PRH1: variants seen among roughly 807,000 people sequenced by gnomAD.
The protein encoded by PRH1 is proline rich protein HaeIII subfamily 1, also known as salivary acidic proline-rich phosphoprotein 1/2.
PRH1 carries 7 observed loss-of-function variants against 7.9 expected under a neutral mutation model. The observed-to-expected ratio is 0.89, with a 90% CI of 0.50 to 1.67. PRH1 has a LOEUF of 1.67. Among genes scored for constraint, PRH1 ranks in the 40% most tolerant of loss-of-function variants. The pLI is 0.00. For synonymous variants in PRH1, 45 were observed against 80.8 expected, an observed-to-expected ratio of 0.56 and a Z score of 2.38; for missense variants, 109 against 223.6, an observed-to-expected ratio of 0.49 and a Z score of 3.27.
chr12:11,020,397 TAGATATAG>T (rs1941556512), intron 1 of PRH1, among the ~76,000 whole-genome samples: 1 of 65,208 alleles, frequency 1.5e-5, no homozygotes, highest in African/African-American at 3.9e-5. Flanking sequence ...TATATGTCTA[TAGATATAG>T]ATATAGATAC....
At chr12:11,013,377 T>C (rs7974464) in intron 1 of PRH1, among the ~76,000 whole-genome samples, 34,613 of 152,080 alleles carry the variant, frequency 0.23, 3,994 homozygotes, top group Non-Finnish European at 0.24. Flanking sequence ...CAAATGATAC[T>C]GAGAACATTG....
At chr12:10,935,647 G>A in intron 2 of PRH1, among the ~76,000 whole-genome samples, 1 of 152,136 alleles carries the variant, frequency 6.6e-6, no homozygotes. Context: ...CCTCTGCTGA[G>A]CAACATCTGT....
intron 1 of PRH1, among the ~76,000 whole-genome samples, chr12:11,096,475 G>GT (rs1188233217): frequency 8.7e-6 from 1 of 115,546 alleles, no homozygotes; most frequent in Non-Finnish European, 2.0e-5. Context: ...ATTAAAAAAA[G>GT]TTTTTTTAAA....
chr12:11,171,176 A>AGCGCCAGCGGCGCCCGGGGCTAC, intron 1 of PRH1: 1 of 398,456 alleles, frequency 2.5e-6, no homozygotes, highest in East Asian at 3.6e-5. Context: ...GAAGGGGCGG[A>AGCGCCAGCGGCGCCCGGGGCTAC]GCGCCAGCGG....
chr12:10,966,745 C>T (rs1056379407), intron 2 of PRH1, among the ~76,000 whole-genome samples: 1 of 152,090 alleles, frequency 6.6e-6, no homozygotes, highest in Non-Finnish European at 1.5e-5. Flanking sequence ...ATATGTCCAC[C>T]CTTGTTGTGT....
At chr12:10,968,596 T>C (rs886957720) in intron 2 of PRH1, among the ~76,000 whole-genome samples, 1 of 152,216 alleles carries the variant, frequency 6.6e-6, no homozygotes, top group Non-Finnish European at 1.5e-5. Context: ...ACTGAAATAA[T>C]ACCTTTGATG....
At chr12:11,056,457 C>T (rs80170052) in intron 1 of PRH1, among the ~76,000 whole-genome samples, 1 of 152,148 alleles carries the variant, frequency 6.6e-6, no homozygotes, top group Non-Finnish European at 1.5e-5. Flanking sequence ...GGACAGGAAA[C>T]CAGATTCCCT....
intron 1 of PRH1, among the ~76,000 whole-genome samples, chr12:11,037,095 G>A (rs1942460208): frequency 6.6e-6 from 1 of 151,926 alleles, no homozygotes; most frequent in Admixed American, 6.6e-5. Flanking sequence ...TTTAAAATTC[G>A]ATAAGAAACA....
chr12:10,940,215 C>T (rs1038473923), intron 2 of PRH1, among the ~76,000 whole-genome samples: 6 of 152,072 alleles, frequency 3.9e-5, no homozygotes, highest in South Asian at 2.1e-4. Context: ...AGCAAACATG[C>T]GCGCACACAC....
intron 1 of PRH1, chr12:10,987,057 C>T (rs10772399): frequency 0.99 from 411,547 of 416,556 alleles, 203,493 homozygotes; most frequent in East Asian, 1. Flanking sequence ...GTCATCTTTA[C>T]GGAAAACATT....
At chr12:11,002,331 A>T (rs1940632010) in intron 1 of PRH1, among the ~76,000 whole-genome samples, 1 of 152,080 alleles carries the variant, frequency 6.6e-6, no homozygotes, top group Admixed American at 6.6e-5. Flanking sequence ...TGGGCTCATG[A>T]ACTTGTTTCT....
At chr12:10,938,130 G>A (rs1950319476) in intron 2 of PRH1, 1 of 633,986 alleles carries the variant, frequency 1.6e-6, no homozygotes, top group Non-Finnish European at 2.7e-6. Context: ...ATGTTTGGAT[G>A]GTGTTGATTC....
At chr12:11,004,633 GGATT>G (rs1264688432) in intron 1 of PRH1, among the ~76,000 whole-genome samples, 1 of 151,474 alleles carries the variant, frequency 6.6e-6, no homozygotes, top group Non-Finnish European at 1.5e-5. Context: ...CATTTATTAG[GGATT>G]AATTATATAT....
intron 1 of PRH1, among the ~76,000 whole-genome samples, chr12:11,139,607 T>A (rs1946650226): frequency 6.6e-6 from 1 of 152,232 alleles, no homozygotes; most frequent in Non-Finnish European, 1.5e-5. Flanking sequence ...TGTAAACATG[T>A]CAGTCTTCTT....
chr12:10,934,524 C>T (rs1002495156), intron 2 of PRH1, among the ~76,000 whole-genome samples: 3 of 152,000 alleles, frequency 2.0e-5, no homozygotes, highest in African/African-American at 7.2e-5. Context: ...AAAGAGAGAG[C>T]TCCAATGTCT....
intron 1 of PRH1, among the ~76,000 whole-genome samples, chr12:11,023,031 T>C (rs992063224): frequency 6.6e-6 from 1 of 152,204 alleles, no homozygotes; most frequent in African/African-American, 2.4e-5. Context: ...AATGTCTAAA[T>C]TGTTAAAGGA....
chr12:11,152,141 T>C (rs1462505169), intron 1 of PRH1, among the ~76,000 whole-genome samples: 2 of 151,928 alleles, frequency 1.3e-5, no homozygotes, highest in Non-Finnish European at 1.5e-5. Context: ...TACAGGTTTG[T>C]TACATATGTA....
intron 2 of PRH1, among the ~76,000 whole-genome samples, chr12:10,923,661 C>G (rs1950083574): frequency 6.6e-6 from 1 of 152,282 alleles, no homozygotes; most frequent in South Asian, 2.1e-4. Context: ...ATTCTATCAC[C>G]AACAAATGAT....
intron 2 of PRH1, chr12:10,973,539 A>T (rs1013503305): frequency 1.7e-6 from 1 of 593,924 alleles, no homozygotes. Flanking sequence ...AGGCTTTATG[A>T]GAAGTTAGTA....
Sources: gnomAD v4.1 joint callset for allele counts (sites outside exome capture counted in the v4.1 genomes callset) on GRCh38, gnomAD v4.1.1 for gene constraint, MANE v1.5 for transcripts, NCBI Gene and HGNC (gene_info 2026-07-23, HGNC 2026-07-21) for gene names.